MACROD2: variants seen among roughly 807,000 people sequenced by gnomAD.
MACROD2 encodes the protein mono-ADP ribosylhydrolase 2, also known as ADP-ribose glycohydrolase MACROD2.
Under a neutral mutation model 70.4 loss-of-function variants are expected in MACROD2, and 36 were observed. The observed-to-expected ratio is 0.51, with a 90% CI of 0.39 to 0.68. MACROD2 has a LOEUF of 0.68. Ranked by LOEUF, MACROD2 falls within the 30% of genes least tolerant of loss-of-function variation. The pLI is 0.00. For missense variants in MACROD2, 496 were observed against 538.4 expected (o/e 0.92, Z 0.78); for synonymous variants, 172 against 178.8 (o/e 0.96, Z 0.30).
chr20:14,573,161 C>T (rs1303743008), intron 4 of MACROD2, among the ~76,000 whole-genome samples: 1 of 151,992 alleles, frequency 6.6e-6, no homozygotes, highest in Non-Finnish European at 1.5e-5. Flanking sequence ...TGAGTTCTAG[C>T]TCTCTCCTTA....
At chr20:14,778,949 C>T (rs1412019131) in intron 5 of MACROD2, among the ~76,000 whole-genome samples, 1 of 152,090 alleles carries the variant, frequency 6.6e-6, no homozygotes, top group Non-Finnish European at 1.5e-5. Flanking sequence ...AAAAATCTCT[C>T]AATGCATGGT....
chr20:15,778,204 T>C (rs2051765891), intron 8 of MACROD2, among the ~76,000 whole-genome samples: 2 of 152,192 alleles, frequency 1.3e-5, no homozygotes, highest in Non-Finnish European at 2.9e-5. Context: ...TCAAGTCTAA[T>C]TTAATCTAAT....
intron 3 of MACROD2, among the ~76,000 whole-genome samples, chr20:14,335,311 G>T (rs1427030962): frequency 6.6e-6 from 1 of 152,176 alleles, no homozygotes; most frequent in Admixed American, 6.5e-5. Context: ...GGGCAATATA[G>T]TCTAGAGAAG....
intron 5 of MACROD2, among the ~76,000 whole-genome samples, chr20:15,220,617 G>A (rs175273): frequency 0.96 from 146,158 of 152,356 alleles, 70,178 homozygotes; most frequent in East Asian, 1. Flanking sequence ...ATGGTTTATC[G>A]TAAGTGATAT....
chr20:15,310,206 A>G (rs755780267), intron 6 of MACROD2, among the ~76,000 whole-genome samples: 1 of 152,100 alleles, frequency 6.6e-6, no homozygotes, highest in Non-Finnish European at 1.5e-5. Flanking sequence ...TAACTTTTTA[A>G]ATTATTTTAT....
At chr20:16,001,810 G>A (rs569743771) in intron 15 of MACROD2, among the ~76,000 whole-genome samples, 4 of 151,968 alleles carry the variant, frequency 2.6e-5, no homozygotes, top group African/African-American at 7.2e-5. Flanking sequence ...GGATTAAGAG[G>A]TTCATTTTTC....
At chr20:14,644,412 A>G (rs777881697) in intron 4 of MACROD2, among the ~76,000 whole-genome samples, 1 of 152,216 alleles carries the variant, frequency 6.6e-6, no homozygotes, top group Non-Finnish European at 1.5e-5. Context: ...AACTCATTAA[A>G]TTAAAAATTT....
At chr20:15,982,407 G>C (rs779994081) in intron 13 of MACROD2, among the ~76,000 whole-genome samples, 1 of 152,130 alleles carries the variant, frequency 6.6e-6, no homozygotes, top group South Asian at 2.1e-4. Flanking sequence ...TACTGTACAA[G>C]TCTAAATTTT....
At chr20:14,133,480 T>G (rs1219645471) in intron 3 of MACROD2, among the ~76,000 whole-genome samples, 2 of 152,204 alleles carry the variant, frequency 1.3e-5, no homozygotes, top group Non-Finnish European at 2.9e-5. Context: ...GTAACTTATA[T>G]TCCAGTGGGA....
At chr20:14,329,388 T>A (rs1358226880) in intron 3 of MACROD2, 1 of 152,094 alleles carries the variant, frequency 6.6e-6, no homozygotes, top group East Asian at 1.9e-4. Flanking sequence ...CTAGAGAAAT[T>A]TCCTAGACAT....
intron 6 of MACROD2, among the ~76,000 whole-genome samples, chr20:15,319,974 C>G (rs927866636): frequency 1.3e-5 from 2 of 152,028 alleles, no homozygotes; most frequent in Admixed American, 1.3e-4. Context: ...TTTGGGAGAC[C>G]GAGGTGGGCG....
chr20:15,933,850 C>T (rs1370946863), intron 11 of MACROD2, among the ~76,000 whole-genome samples: 3 of 152,094 alleles, frequency 2.0e-5, no homozygotes, highest in Admixed American at 6.6e-5. Flanking sequence ...ACACAGAGCT[C>T]GAAGTAAGAT....
At chr20:14,200,668 C>G (rs2081472150) in intron 3 of MACROD2, among the ~76,000 whole-genome samples, 2 of 152,182 alleles carry the variant, frequency 1.3e-5, no homozygotes. Flanking sequence ...TAATAGCTTT[C>G]TTAATTGTTG....
At chr20:14,556,291 C>T (rs751957974) in intron 4 of MACROD2, among the ~76,000 whole-genome samples, 2 of 151,974 alleles carry the variant, frequency 1.3e-5, no homozygotes, top group African/African-American at 4.8e-5. Context: ...TACAGTGCTA[C>T]GAAGATGGCA....
chr20:15,020,734 A>G (rs2075159770), intron 5 of MACROD2, among the ~76,000 whole-genome samples: 1 of 152,068 alleles, frequency 6.6e-6, no homozygotes. Context: ...GTAGGCACAT[A>G]CAACACAATG....
At chr20:14,418,685 AT>A (rs1322741484) in intron 3 of MACROD2, among the ~76,000 whole-genome samples, 2 of 152,174 alleles carry the variant, frequency 1.3e-5, no homozygotes, top group Non-Finnish European at 2.9e-5. Context: ...TCAGGAAATA[AT>A]TTTCCCCAGG....
chr20:14,516,998 A>C (rs770686990), intron 4 of MACROD2, among the ~76,000 whole-genome samples: 62 of 152,342 alleles, frequency 4.1e-4, no homozygotes, highest in Non-Finnish European at 7.9e-4. Flanking sequence ...ATACCATCTC[A>C]TGCCAGTTAG....
intron 3 of MACROD2, among the ~76,000 whole-genome samples, chr20:14,260,027 G>A (rs2082089505): frequency 6.6e-6 from 1 of 152,160 alleles, no homozygotes; most frequent in African/African-American, 2.4e-5. Flanking sequence ...AAGATAGTGT[G>A]TCATTTTACT....
In MACROD2 at chr20:14,868,798, T is replaced by A. The variant is rs1440345780; in HGVS notation, c.418+183839T>A. ...GGTTACAGGCAGTGTGTGGGTGGTA[T>A]TGGTATGTCGAAAGTGGGTGCAGAA... On this transcript the variant is annotated intron_variant, in intron 5 of 17. Coordinates refer to ENST00000684519, the MANE Select transcript of MACROD2 (RefSeq NM_001351661.2). 1.3e-5 allele frequency among the ~76,000 whole-genome samples: 2 copies of A among 152,144 alleles called. 1 individual carries two copies. The highest frequency in any genetic ancestry group is 4.1e-4 in the South Asian group (2 of 4,832).
Sources: gnomAD v4.1 joint callset for allele counts (sites outside exome capture counted in the v4.1 genomes callset) on GRCh38, gnomAD v4.1.1 for gene constraint, MANE v1.5 for transcripts, NCBI Gene and HGNC (gene_info 2026-07-23, HGNC 2026-07-21) for gene names.